Variants in MTHFD1L observed in about 807,000 individuals in gnomAD.
MTHFD1L encodes the protein monofunctional C1-tetrahydrofolate synthase, mitochondrial.
Under a neutral mutation model 119.5 loss-of-function variants are expected in MTHFD1L, and 81 were observed. The ratio of observed to expected loss-of-function variants is 0.68; its 90% CI spans 0.57 to 0.82. The LOEUF (loss-of-function observed/expected upper bound fraction) is 0.82. Among genes scored for constraint, MTHFD1L ranks in the 40% least tolerant of loss-of-function variants. The pLI is 0.00. For missense variants in MTHFD1L, 1,125 were observed against 1,253.4 expected, an observed-to-expected ratio of 0.90 and a Z score of 1.55; for synonymous variants, 430 against 475.2, an observed-to-expected ratio of 0.90 and a Z score of 1.24.
chr6:150,903,382 A>G (rs1366266011), intron 7 of MTHFD1L, among the ~76,000 whole-genome samples: 3 of 151,698 alleles, frequency 2.0e-5, no homozygotes, highest in African/African-American at 7.3e-5. Context: ...CCTGTGGCAC[A>G]GAAGAATGGT....
intron 11 of MTHFD1L, chr6:150,935,251 C>T: frequency 1.2e-6 from 2 of 1,611,880 alleles, no homozygotes; most frequent in Non-Finnish European, 1.7e-6. Flanking sequence ...GCACAGATGG[C>T]ATTGTATTTG....
intron 24 of MTHFD1L, among the ~76,000 whole-genome samples, chr6:151,031,896 C>T (rs1208755946): frequency 1.3e-5 from 2 of 152,160 alleles, no homozygotes; most frequent in African/African-American, 4.8e-5. Flanking sequence ...TTTTATTTCT[C>T]TCCAGCCAAA....
At chr6:150,992,353 T>G (rs575007747) in intron 20 of MTHFD1L, among the ~76,000 whole-genome samples, 1 of 152,312 alleles carries the variant, frequency 6.6e-6, no homozygotes, top group East Asian at 1.9e-4. Flanking sequence ...TGCTATATTC[T>G]GTTTATGCAT....
intron 26 of MTHFD1L, among the ~76,000 whole-genome samples, chr6:151,042,892 G>C (rs1479390546): frequency 6.6e-6 from 1 of 152,100 alleles, no homozygotes. Flanking sequence ...AGTAAATAGG[G>C]CGATGATAAA....
chr6:151,047,992 GT>G (rs1301468780), intron 26 of MTHFD1L, among the ~76,000 whole-genome samples: 2 of 152,144 alleles, frequency 1.3e-5, no homozygotes, highest in Non-Finnish European at 2.9e-5. Flanking sequence ...AAGAGAGAGA[GT>G]GAAGGGGCAG....
At chr6:151,065,015 A>G (rs1337785676) in intron 26 of MTHFD1L, among the ~76,000 whole-genome samples, 1 of 151,902 alleles carries the variant, frequency 6.6e-6, no homozygotes, top group African/African-American at 2.4e-5. Flanking sequence ...TGTTGGCCAG[A>G]CTGGTCTCGA....
chr6:150,885,564 T>C lies in MTHFD1L; in HGVS notation c.543-70T>C, dbSNP rs114282883. On this transcript the variant is annotated intron_variant, in intron 5 of 27. Transcript: ENST00000367321. ...TTGGATGTTATTTGGGGTTAATATA[T>C]GTACATTACACGTGAGTGATTTTTT... 2,554 of 1,088,034 alleles carry C rather than the reference T, an allele frequency of 2.3e-3. 38 individuals are homozygous for C. In the African/African-American group the frequency reaches 0.036, roughly 15 times the overall value. 67.4% of individuals were successfully genotyped at this position (1,088,034 alleles called of 1,614,324 possible).
intron 26 of MTHFD1L, among the ~76,000 whole-genome samples, chr6:151,079,646 C>T (rs554043037): frequency 4.0e-4 from 61 of 151,806 alleles, no homozygotes; most frequent in African/African-American, 1.1e-3. Flanking sequence ...TGCACCACCA[C>T]GCCCAGCTAA....
At chr6:151,090,809 C>T (rs970010983) in intron 26 of MTHFD1L, among the ~76,000 whole-genome samples, 4 of 152,246 alleles carry the variant, frequency 2.6e-5, no homozygotes, top group African/African-American at 9.6e-5. Flanking sequence ...ACAGTAGAAC[C>T]TGAATGTCTC....
chr6:151,022,048 G>C (rs747366280), intron 24 of MTHFD1L: 7 of 471,060 alleles, frequency 1.5e-5, no homozygotes, highest in Admixed American at 4.7e-5. Flanking sequence ...TGATCCCAGT[G>C]GGGGCTGGAT....
rs141021447 is a variant in MTHFD1L, at chr6:151,031,232, G to A, written c.2587-3261G>A. On this transcript the variant is annotated intron_variant, in intron 24 of 27. Transcript: ENST00000367321. ...GCACTCAAAACGACTTCCTTCTAAC[G>A]TTTGTCCCTTGGTTCACATTCTGCC... 1.9e-3 allele frequency among the ~76,000 whole-genome samples: 289 copies of A among 152,282 alleles called. 1 individual carries two copies. The highest frequency in any genetic ancestry group is 6.5e-3 in the African/African-American group (271 of 41,554).
intron 11 of MTHFD1L, chr6:150,934,843 T>G (rs1452539792): frequency 2.7e-5 from 33 of 1,228,912 alleles, no homozygotes; most frequent in Non-Finnish European, 5.6e-6. Context: ...TGCCTGCCAA[T>G]GCTTTCTCAT....
intron 26 of MTHFD1L, chr6:151,055,958 A>G (rs1249341291): frequency 2.0e-5 from 3 of 152,228 alleles, no homozygotes; most frequent in Admixed American, 6.5e-5. Context: ...TTAATTCCAC[A>G]TAGCCTTTAA....
intron 5 of MTHFD1L, among the ~76,000 whole-genome samples, chr6:150,884,822 G>GC (rs1029410696): frequency 6.6e-6 from 1 of 152,006 alleles, no homozygotes; most frequent in Non-Finnish European, 1.5e-5. Context: ...TTTTTCCACT[G>GC]CCCCCCACCC....
In MTHFD1L at chr6:151,076,355, A is replaced by G. The variant is rs565938205; in HGVS notation, c.2848-16112A>G. On this transcript the variant is annotated intron_variant, in intron 26 of 27. Coordinates refer to ENST00000367321, the MANE Select transcript of MTHFD1L (RefSeq NM_015440.5). ...GACAGAGCAAGACCCTGTCCCAAAG[A>G]AAAAAAAGATTGGGCTGGGCACGGT... Among the ~76,000 whole-genome samples the G allele has an allele frequency of 4.6e-5, 7 of 152,050 alleles. No individual in the cohort carries two copies. The South Asian group carries it at 6.2e-4, about 14-fold the overall frequency.
At position 151,079,174 on chromosome 6, in the gene MTHFD1L, A is replaced by G. The variant is rs147539561; in HGVS notation, c.2848-13293A>G. Among the ~76,000 whole-genome samples the G allele has an allele frequency of 1.8e-3, 280 of 152,276 alleles. 3 individuals carry two copies. Among genetic ancestry groups the G allele is most frequent in the African/African-American group, 6.2e-3 (259 of 41,534 alleles). On this transcript the variant is annotated intron_variant, in intron 26 of 27. Coordinates refer to ENST00000367321, the MANE Select transcript of MTHFD1L (RefSeq NM_015440.5). ...TCAGATGGCCTTGCTGTGAACGGTTACATAGCTCTGATAAATCCTGATCTA... is the reference window on the plus strand; with the variant it reads ...TCAGATGGCCTTGCTGTGAACGGTTGCATAGCTCTGATAAATCCTGATCTA...
intron 16 of MTHFD1L, among the ~76,000 whole-genome samples, chr6:150,955,268 A>C (rs764827905): frequency 7.2e-5 from 11 of 152,106 alleles, no homozygotes; most frequent in Admixed American, 5.2e-4. Flanking sequence ...ATATTTCACT[A>C]TGCACCATGT....
chr6:151,100,994 A>C (rs2128670697), intron 27 of MTHFD1L, among the ~76,000 whole-genome samples: 1 of 152,106 alleles, frequency 6.6e-6, no homozygotes, highest in South Asian at 2.1e-4. Context: ...CCTCGTCTTT[A>C]CTAAAAATAC....
At chr6:151,100,759 C>T (rs986312941) in intron 27 of MTHFD1L, among the ~76,000 whole-genome samples, 5 of 151,722 alleles carry the variant, frequency 3.3e-5, no homozygotes, top group South Asian at 2.1e-4. Context: ...TACTAAGTTC[C>T]AGGACCATGA....
Sources: allele counts gnomAD v4.1 joint callset (sites outside exome capture counted in the v4.1 genomes callset), GRCh38; gene constraint gnomAD v4.1.1; transcripts MANE v1.5; gene names NCBI Gene and HGNC (gene_info 2026-07-23, HGNC 2026-07-21).